Variants in LUZP2 observed in about 807,000 individuals in gnomAD.
The protein encoded by LUZP2 is leucine zipper protein 2.
LUZP2 carries 52 observed loss-of-function variants against 51.6 expected under a neutral mutation model. The observed-to-expected ratio is 1.01, with a 90% CI of 0.81 to 1.27. The LOEUF (loss-of-function observed/expected upper bound fraction) is 1.27. Ranked by LOEUF, LUZP2 falls within the 50% of genes most tolerant of loss-of-function variation. LUZP2 has a pLI of 0.00. For synonymous variants in LUZP2, 154 were observed against 137.3 expected (o/e 1.12, Z -0.85); for missense variants, 436 against 395.4 (o/e 1.10, Z -0.87).
chr11:24,690,442 C>G (rs546521625), intron 1 of LUZP2, among the ~76,000 whole-genome samples: 32 of 152,208 alleles, frequency 2.1e-4, no homozygotes, highest in Non-Finnish European at 4.0e-4. Flanking sequence ...TCCTGTTGCA[C>G]AAACTTATTT....
chr11:24,621,962 A>T (rs1478013623), intron 1 of LUZP2, among the ~76,000 whole-genome samples: 1 of 94,230 alleles, frequency 1.1e-5, no homozygotes, highest in African/African-American at 5.7e-5. Context: ...ATACATCTTT[A>T]AAAAAAAAAA....
In LUZP2 at chr11:24,547,196, A is replaced by G. The variant is rs937492380; in HGVS notation, c.62+49891A>G. 5.5e-4 allele frequency among the ~76,000 whole-genome samples: 11 copies of G among 19,830 alleles called. No homozygotes were observed. The Admixed American group carries it at 8.4e-3, about 15-fold the overall frequency. The allele number at this position is 19,830 out of a possible 152,430, so 13.0% of individuals were successfully genotyped here. The stretch of plus-strand genomic sequence containing the variant: ...ATTTCTGTCCAAAAACATTCTTTAC[A>G]GAATTAGAAAAAAAAAAACTATCCT... On this transcript the variant is annotated intron_variant, in intron 1 of 11. Transcript: ENST00000336930.
chr11:24,701,557 G>T (rs1303664803), intron 1 of LUZP2: 1 of 156,170 alleles, frequency 6.4e-6, no homozygotes, highest in Non-Finnish European at 1.5e-5. Flanking sequence ...CCGAGACAAA[G>T]AAACCAAATC....
intron 5 of LUZP2, among the ~76,000 whole-genome samples, chr11:24,827,159 G>A (rs577413435): frequency 2.0e-5 from 3 of 152,104 alleles, no homozygotes; most frequent in Non-Finnish European, 4.4e-5. Flanking sequence ...AATCTATGCA[G>A]TATGGCATAT....
At chr11:24,644,963 A>G (rs1402385681) in intron 1 of LUZP2, among the ~76,000 whole-genome samples, 1 of 152,184 alleles carries the variant, frequency 6.6e-6, no homozygotes, top group Non-Finnish European at 1.5e-5. Context: ...CTGAAGTTTC[A>G]GCAGTGACTA....
intron 1 of LUZP2, among the ~76,000 whole-genome samples, chr11:24,534,278 T>A (rs940259104): frequency 4.0e-5 from 6 of 151,150 alleles, no homozygotes; most frequent in African/African-American, 1.5e-4. Context: ...TAAAGAGATA[T>A]ATGCATATAT....
chr11:24,588,034 G>A (rs528683819), intron 1 of LUZP2, among the ~76,000 whole-genome samples: 41 of 152,178 alleles, frequency 2.7e-4, no homozygotes, highest in African/African-American at 9.6e-4. Context: ...TTGAGTATGG[G>A]AAGATAGAAG....
chr11:24,679,606 G>T (rs953118103), intron 1 of LUZP2, among the ~76,000 whole-genome samples: 1 of 151,912 alleles, frequency 6.6e-6, no homozygotes, highest in African/African-American at 2.4e-5. Context: ...TAAAAGATAT[G>T]GTAAGATTAA....
intron 4 of LUZP2, among the ~76,000 whole-genome samples, chr11:24,761,025 C>T (rs1005531567): frequency 9.9e-5 from 15 of 152,160 alleles, no homozygotes; most frequent in African/African-American, 3.6e-4. Context: ...ATCCAATAGC[C>T]TAGATTTTAT....
chr11:24,587,610 TG>T (rs1853116195), intron 1 of LUZP2, among the ~76,000 whole-genome samples: 1 of 152,238 alleles, frequency 6.6e-6, no homozygotes, highest in Non-Finnish European at 1.5e-5. Context: ...TGAAGGTTAC[TG>T]GAAATTTTTT....
chr11:24,669,006 A>C (rs1484253565), intron 1 of LUZP2, among the ~76,000 whole-genome samples: 1 of 152,174 alleles, frequency 6.6e-6, no homozygotes, highest in African/African-American at 2.4e-5. Flanking sequence ...TCAACCAGAA[A>C]GTTTGGGTTT....
intron 1 of LUZP2, among the ~76,000 whole-genome samples, chr11:24,720,226 C>T (rs1257235616): frequency 6.8e-6 from 1 of 147,016 alleles, no homozygotes; most frequent in Non-Finnish European, 1.5e-5. Context: ...CAGTCTCACA[C>T]AAATTCTTTC....
chr11:25,027,887 T>TAAAA (rs1565249902), intron 9 of LUZP2, among the ~76,000 whole-genome samples: 63 of 68,542 alleles, frequency 9.2e-4, no homozygotes, highest in African/African-American at 2.3e-3. Context: ...AAAAAAAAGG[T>TAAAA]GTTTAGATTT....
chr11:24,946,330 A>G (rs947574834), intron 7 of LUZP2, among the ~76,000 whole-genome samples: 3 of 151,828 alleles, frequency 2.0e-5, no homozygotes, highest in African/African-American at 7.3e-5. Flanking sequence ...GCCCATTCAT[A>G]TTTGATGCAA....
At chr11:24,671,395 G>A (rs890565826) in intron 1 of LUZP2, among the ~76,000 whole-genome samples, 1 of 151,758 alleles carries the variant, frequency 6.6e-6, no homozygotes, top group Non-Finnish European at 1.5e-5. Flanking sequence ...TCTAAATTTT[G>A]TTCTTCTAAG....
intron 1 of LUZP2, among the ~76,000 whole-genome samples, chr11:24,598,130 A>C (rs2133856256): frequency 6.6e-6 from 1 of 151,804 alleles, no homozygotes; most frequent in South Asian, 2.1e-4. Flanking sequence ...AGAGACATTT[A>C]TTAAGCACCT....
intron 4 of LUZP2, among the ~76,000 whole-genome samples, chr11:24,761,627 A>C (rs1859982992): frequency 6.6e-6 from 1 of 152,058 alleles, no homozygotes; most frequent in Non-Finnish European, 1.5e-5. Flanking sequence ...ATGAGAGAAA[A>C]ATCTATCTCA....
At chr11:24,875,613 T>C (rs1342006754) in intron 5 of LUZP2, among the ~76,000 whole-genome samples, 3 of 150,414 alleles carry the variant, frequency 2.0e-5, no homozygotes, top group Admixed American at 6.7e-5. Flanking sequence ...TTTGGATATA[T>C]ACCCAGTAAT....
chr11:25,032,133 G>A (rs1421015081), intron 9 of LUZP2, among the ~76,000 whole-genome samples: 1 of 152,094 alleles, frequency 6.6e-6, no homozygotes, highest in East Asian at 1.9e-4. Flanking sequence ...ACAGCTGGAA[G>A]GGCCAGGGAG....
Sources: gnomAD v4.1 joint callset for allele counts (sites outside exome capture counted in the v4.1 genomes callset) on GRCh38, gnomAD v4.1.1 for gene constraint, MANE v1.5 for transcripts, NCBI Gene and HGNC (gene_info 2026-07-23, HGNC 2026-07-21) for gene names.